AMMECR1: variants seen among roughly 807,000 people sequenced by gnomAD.
The protein encoded by AMMECR1 is nuclear protein AMMECR1.
In AMMECR1, 3 loss-of-function variants were observed where a neutral mutation model predicts 22.5. The ratio of observed to expected loss-of-function variants is 0.13; its 90% CI spans 0.06 to 0.35. The LOEUF is 0.35. Among genes scored for constraint, AMMECR1 ranks in the 10% least tolerant of loss-of-function variants. The pLI is 1.00. For synonymous variants in AMMECR1, 130 were observed against 116.7 expected, an observed-to-expected ratio of 1.11 and a Z score of -0.74; for missense variants, 235 against 278.7, an observed-to-expected ratio of 0.84 and a Z score of 1.12.
intron 1 of AMMECR1, among the ~76,000 whole-genome samples, chrX:110,429,472 TTGTTTTGTTTTTTTG>T (rs1223391281): frequency 2.6e-5 from 2 of 76,553 alleles, no homozygotes; most frequent in African/African-American, 2.9e-4. Context: ...TTTTTTTTTT[TTGTTTTGTTTTTTTG>T]GTTTTTTTGT....
intron 2 of AMMECR1, among the ~76,000 whole-genome samples, chrX:110,261,766 A>C (rs898730165): frequency 9.0e-6 from 1 of 111,569 alleles, no homozygotes; most frequent in African/African-American, 3.3e-5. Context: ...ATTTATAGTA[A>C]CTTGCTTTCA....
intron 1 of AMMECR1, among the ~76,000 whole-genome samples, chrX:110,294,561 G>A (rs111875047): frequency 0.028 from 3,107 of 111,354 alleles, 111 homozygotes; most frequent in African/African-American, 0.097. Context: ...AATAGCAGAT[G>A]GTTCAAGATG....
intron 2 of AMMECR1, among the ~76,000 whole-genome samples, chrX:110,408,308 G>C (rs2068616882): frequency 8.9e-6 from 1 of 111,894 alleles, no homozygotes; most frequent in Admixed American, 9.4e-5. Flanking sequence ...TGACTAGACT[G>C]GTGGCTCTCA....
intron 2 of AMMECR1, among the ~76,000 whole-genome samples, chrX:110,235,360 G>A (rs2067594732): frequency 8.9e-6 from 1 of 112,347 alleles, no homozygotes; most frequent in African/African-American, 3.2e-5. Context: ...TGGAGAAATA[G>A]GAATGCTTTT....
intron 2 of AMMECR1, among the ~76,000 whole-genome samples, chrX:110,385,769 CCAGA>C (rs201809212): frequency 0.02 from 2,221 of 111,372 alleles, 51 homozygotes; most frequent in African/African-American, 0.068. Flanking sequence ...ATCCCATCAC[CCAGA>C]CAGTGAGCAT....
chrX:110,221,980 C>A (rs777593318), intron 2 of AMMECR1, among the ~76,000 whole-genome samples: 39 of 109,096 alleles, frequency 3.6e-4, no homozygotes, highest in South Asian at 1.6e-3. Flanking sequence ...AAATAGGAAC[C>A]CTTTTACACT....
chrX:110,363,036 G>A (rs1291175707), intron 2 of AMMECR1, among the ~76,000 whole-genome samples: 1 of 111,918 alleles, frequency 8.9e-6, no homozygotes, highest in Non-Finnish European at 1.9e-5. Context: ...CAACTCCAGA[G>A]CCAAGATTTA....
At chrX:110,235,358 T>C (rs953502403) in intron 2 of AMMECR1, among the ~76,000 whole-genome samples, 3 of 112,199 alleles carry the variant, frequency 2.7e-5, no homozygotes, top group Non-Finnish European at 5.6e-5. Context: ...TGTGGAGAAA[T>C]AGGAATGCTT....
intron 1 of AMMECR1, among the ~76,000 whole-genome samples, chrX:110,429,243 C>CT (rs377376446): frequency 0.021 from 2,269 of 106,285 alleles, 48 homozygotes; most frequent in African/African-American, 0.071. Flanking sequence ...TTTTGTTCAT[C>CT]TTTTTTTTTT....
intron 2 of AMMECR1, among the ~76,000 whole-genome samples, chrX:110,237,390 A>G (rs1325022795): frequency 9.0e-6 from 1 of 110,558 alleles, no homozygotes; most frequent in Non-Finnish European, 1.9e-5. Context: ...TTGAAAATCA[A>G]CCCTCTGAAG....
At chrX:110,391,077 G>C (rs1466267759) in intron 2 of AMMECR1, among the ~76,000 whole-genome samples, 2 of 111,728 alleles carry the variant, frequency 1.8e-5, no homozygotes, top group Non-Finnish European at 3.8e-5. Flanking sequence ...CCATGACTTT[G>C]GGTTATTTTC....
intron 2 of AMMECR1, among the ~76,000 whole-genome samples, chrX:110,373,334 G>A (rs2068352498): frequency 8.9e-6 from 1 of 111,755 alleles, no homozygotes; most frequent in Non-Finnish European, 1.9e-5. Context: ...ACACTAGTAT[G>A]AAACCAAAAT....
chrX:110,436,111 C>T (rs1321361467), intron 1 of AMMECR1, among the ~76,000 whole-genome samples: 1 of 112,666 alleles, frequency 8.9e-6, no homozygotes, highest in Non-Finnish European at 1.9e-5. Context: ...GCACCTCAGA[C>T]TGCTAGCATC....
intron 1 of AMMECR1, among the ~76,000 whole-genome samples, chrX:110,428,022 C>G (rs1318090371): frequency 8.9e-6 from 1 of 112,139 alleles, no homozygotes; most frequent in Non-Finnish European, 1.9e-5. Flanking sequence ...CCACAGCGTC[C>G]ACAACATAGC....
At chrX:110,254,334 A>AT (rs1258544824) in intron 2 of AMMECR1, among the ~76,000 whole-genome samples, 3 of 111,797 alleles carry the variant, frequency 2.7e-5, no homozygotes, top group Non-Finnish European at 5.6e-5. Flanking sequence ...TACATTTCAT[A>AT]TTTTTGCATG....
chrX:110,418,901 C>T (rs1370886257), intron 2 of AMMECR1, among the ~76,000 whole-genome samples: 1 of 110,517 alleles, frequency 9.0e-6, no homozygotes, highest in Admixed American at 9.6e-5. Context: ...CTGAGCCCAC[C>T]CCCGCCCTTT....
intron 1 of AMMECR1, among the ~76,000 whole-genome samples, chrX:110,312,696 A>G (rs988146815): frequency 6.2e-5 from 7 of 112,172 alleles, no homozygotes; most frequent in African/African-American, 2.3e-4. Context: ...TTACAGAACA[A>G]CTGACAACTG....
chrX:110,264,771 T>C (rs1047435385), intron 1 of AMMECR1, among the ~76,000 whole-genome samples, 172 bp from the exon 2 acceptor site: 1 of 111,925 alleles, frequency 8.9e-6, no homozygotes, highest in Non-Finnish European at 1.9e-5. Flanking sequence ...AGTTATATTA[T>C]ACTACTACTA....
At chrX:110,397,679 A>C (rs774481585) in intron 2 of AMMECR1, among the ~76,000 whole-genome samples, 1 of 111,227 alleles carries the variant, frequency 9.0e-6, no homozygotes, top group African/African-American at 3.3e-5. Flanking sequence ...TTTGCTTTCT[A>C]ATATCCTAAC....
Sources: allele counts gnomAD v4.1 joint callset (sites outside exome capture counted in the v4.1 genomes callset), GRCh38; gene constraint gnomAD v4.1.1; transcripts MANE v1.5; gene names NCBI Gene and HGNC (gene_info 2026-07-23, HGNC 2026-07-21).